LDHB: variants seen among roughly 807,000 people sequenced by gnomAD.
The protein encoded by LDHB is L-lactate dehydrogenase B chain.
Under a neutral mutation model 33.4 loss-of-function variants are expected in LDHB, and 18 were observed. The ratio of observed to expected loss-of-function variants is 0.54; its 90% CI spans 0.37 to 0.80. LDHB has a LOEUF of 0.80. Ranked by LOEUF, LDHB falls within the 30% of genes least tolerant of loss-of-function variation. The probability of loss-of-function intolerance (pLI) is 0.00; values close to 1 mark genes in which losing one functional copy is unlikely to be tolerated. For synonymous variants in LDHB, 121 were observed against 140.6 expected (o/e 0.86, Z 0.98); for missense variants, 345 against 407.9 (o/e 0.85, Z 1.33).
chr12:21,640,852 G>C (rs1650292), intron 5 of LDHB, among the ~76,000 whole-genome samples: 2,748 of 152,038 alleles, frequency 0.018, 81 homozygotes, highest in African/African-American at 0.062. Flanking sequence ...AAAAAAAGAC[G>C]TAAGAGTCAG....
In LDHB at chr12:21,644,433, A is replaced by AAAAAC. The variant is rs1260787377; in HGVS notation, c.248-326_248-325insGTTTT. On this transcript the variant is annotated intron_variant, in intron 3 of 7. Coordinates refer to ENST00000350669, the MANE Select transcript of LDHB (RefSeq NM_002300.8). ...TCCAATAGGTAGACATCAAAAAAAAAAAAAAAAAAAAACAAAAACAAAAAC... is the reference window on the plus strand; with the variant it reads ...TCCAATAGGTAGACATCAAAAAAAAAAAAACAAAAAAAAAAAACAAAAACAAAAAC... Among the ~76,000 whole-genome samples the AAAAAC allele has an allele frequency of 2.6e-3, 363 of 141,028 alleles. 12 individuals are homozygous for AAAAAC. The highest frequency in any genetic ancestry group is 0.012 in the East Asian group (56 of 4,778). The allele number at this position is 141,028 out of a possible 152,430, so 92.5% of individuals were successfully genotyped here.
chr12:21,650,103 A>AAATAT (rs5796919), intron 2 of LDHB, among the ~76,000 whole-genome samples: 1,636 of 137,076 alleles, frequency 0.012, 36 homozygotes, highest in Non-Finnish European at 0.017. Flanking sequence ...AGAGAAAAAA[A>AAATAT]ATACACACAC....
At chr12:21,655,371 CATACTT>C (rs575308855) in intron 1 of LDHB, among the ~76,000 whole-genome samples, 2 of 152,184 alleles carry the variant, frequency 1.3e-5, no homozygotes, top group Non-Finnish European at 2.9e-5. Flanking sequence ...AGTATTGACT[CATACTT>C]AAGCTTGGAT....
intron 3 of LDHB, among the ~76,000 whole-genome samples, chr12:21,646,698 T>C (rs1483960491): frequency 6.6e-6 from 1 of 152,192 alleles, no homozygotes; most frequent in African/African-American, 2.4e-5. Flanking sequence ...AAACATTTTA[T>C]AATTATATAA....
rs11444668 is a variant in LDHB, at chr12:21,648,535, T to TGG, written c.130-1521_130-1520dup. On this transcript the variant is annotated intron_variant, in intron 2 of 7. Coordinates refer to ENST00000350669, the MANE Select transcript of LDHB (RefSeq NM_002300.8). Reference sequence around the variant, plus strand: ...CAGCTACACAGGTGAAGGGTATTAATGGGGGGGAGGGGCCAGGTAGGTAGG... The same window carrying TGG: ...CAGCTACACAGGTGAAGGGTATTAATGGGGGGGGGAGGGGCCAGGTAGGTAGG... Among the ~76,000 whole-genome samples the TGG allele has an allele frequency of 1.4e-3, 215 of 150,884 alleles. 1 individual carries two copies. Among genetic ancestry groups the TGG allele is most frequent in the South Asian group, 7.6e-3 (36 of 4,736 alleles).
intron 5 of LDHB, 60 bp from the exon 6 acceptor site, chr12:21,638,530 T>A: frequency 8.3e-7 from 1 of 1,208,186 alleles, no homozygotes; most frequent in Non-Finnish European, 1.2e-6. Flanking sequence ...TAAAAAATAT[T>A]TTCTTCTTTT....
chr12:21,640,922 T>C (rs1033777160), intron 5 of LDHB, among the ~76,000 whole-genome samples: 11 of 151,454 alleles, frequency 7.3e-5, no homozygotes, highest in Non-Finnish European at 1.3e-4. Flanking sequence ...ATTTTGGGCA[T>C]GAGATAAAAA....
At chr12:21,637,034 G>A in intron 7 of LDHB, 37 bp downstream of exon 7, 1 of 1,516,912 alleles carries the variant, frequency 6.6e-7, no homozygotes, top group African/African-American at 1.4e-5. Flanking sequence ...AATACAATGC[G>A]AGAAATCATA....
chr12:21,639,722 G>C (rs373138422), intron 5 of LDHB, among the ~76,000 whole-genome samples: 2 of 152,030 alleles, frequency 1.3e-5, no homozygotes, highest in Admixed American at 1.3e-4. Flanking sequence ...TAAGAAGGGA[G>C]AGCCAAGCTT....
intron 2 of LDHB, among the ~76,000 whole-genome samples, chr12:21,651,482 A>G (rs1478688479): frequency 6.6e-6 from 1 of 152,192 alleles, no homozygotes; most frequent in African/African-American, 2.4e-5. Flanking sequence ...TGGCTAATGC[A>G]TGTCCCTCCT....
rs575670941 is a variant in LDHB, at chr12:21,654,688, A to C, written c.-6-11T>G. 1.9e-6 allele frequency: 3 copies of C among 1,608,618 alleles called. No individual in the cohort carries two copies. In the African/African-American group the frequency reaches 4.0e-5, roughly 21 times the overall value. On this transcript the variant is annotated splice_polypyrimidine_tract_variant and intron_variant, in intron 1 of 7. Transcript: ENST00000350669. Reference sequence around the variant, plus strand: ...AGTTGCCATTTTGCACTGCAAGGAAAGAATCAAAACATTACACGTATATCT... The same window carrying C: ...AGTTGCCATTTTGCACTGCAAGGAACGAATCAAAACATTACACGTATATCT...
chr12:21,654,038 C>G (rs1162519272), intron 2 of LDHB, among the ~76,000 whole-genome samples: 1 of 152,100 alleles, frequency 6.6e-6, no homozygotes, highest in Non-Finnish European at 1.5e-5. Flanking sequence ...TCCAATCCCA[C>G]CCAAAAAATT....
intron 3 of LDHB, among the ~76,000 whole-genome samples, chr12:21,644,424 C>CAAA (rs72491634): frequency 2.0e-4 from 3 of 15,270 alleles, no homozygotes; most frequent in African/African-American, 2.6e-4. Context: ...AGGTAGACAT[C>CAAA]AAAAAAAAAA....
At chr12:21,650,153 T>TATAG (rs1938647663) in intron 2 of LDHB, among the ~76,000 whole-genome samples, 1 of 105,926 alleles carries the variant, frequency 9.4e-6, no homozygotes, top group Admixed American at 9.0e-5. Context: ...CACACACACG[T>TATAG]CTCTCTCTCC....
chr12:21,656,514 G>T (rs4237915), intron 1 of LDHB, among the ~76,000 whole-genome samples: 1 of 152,180 alleles, frequency 6.6e-6, no homozygotes, highest in African/African-American at 2.4e-5. Flanking sequence ...GTTTACGACC[G>T]TTTTGGTATA....
chr12:21,638,545 C>T (rs1242903271), intron 5 of LDHB, 75 bp from the exon 6 acceptor site: 3 of 1,004,446 alleles, frequency 3.0e-6, no homozygotes, highest in Non-Finnish European at 4.7e-6. Flanking sequence ...TCTTTTAGTG[C>T]AATTTCACCT....
chr12:21,641,362 T>C (rs550110197), intron 5 of LDHB, among the ~76,000 whole-genome samples: 1 of 152,080 alleles, frequency 6.6e-6, no homozygotes, highest in East Asian at 1.9e-4. Context: ...CTCAACCTAA[T>C]GATAAAGAAA....
intron 2 of LDHB, among the ~76,000 whole-genome samples, chr12:21,649,371 C>A (rs1423405687): frequency 6.6e-6 from 1 of 152,180 alleles, no homozygotes; most frequent in Non-Finnish European, 1.5e-5. Context: ...CACTGAATAT[C>A]CCCCAAATGG....
At chr12:21,652,513 G>T (rs1938719386) in intron 2 of LDHB, among the ~76,000 whole-genome samples, 1 of 152,126 alleles carries the variant, frequency 6.6e-6, no homozygotes, top group Non-Finnish European at 1.5e-5. Flanking sequence ...TGTTTTTATT[G>T]GCACGAACAG....
Sources: allele counts gnomAD v4.1 joint callset (sites outside exome capture counted in the v4.1 genomes callset), GRCh38; gene constraint gnomAD v4.1.1; transcripts MANE v1.5; gene names NCBI Gene and HGNC (gene_info 2026-07-23, HGNC 2026-07-21).